EPHA6: variants seen among roughly 807,000 people sequenced by gnomAD.
EPHA6 encodes EPH receptor A6.
Under a neutral mutation model 112.0 loss-of-function variants are expected in EPHA6, and 50 were observed. The observed-to-expected ratio is 0.45, with a 90% CI of 0.36 to 0.56. EPHA6 has a LOEUF of 0.56. EPHA6 is among the 20% of genes least tolerant of loss of function. EPHA6 has a pLI of 0.00. For missense variants in EPHA6, 1,280 were observed against 1,417.4 expected (o/e 0.90, Z 1.56); for synonymous variants, 529 against 490.7 (o/e 1.08, Z -1.03).
At chr3:97,138,507 AC>A (rs1462420086) in intron 3 of EPHA6, among the ~76,000 whole-genome samples, 3 of 151,974 alleles carry the variant, frequency 2.0e-5, no homozygotes, top group African/African-American at 7.2e-5. Context: ...GCAGTGGGGG[AC>A]CCACAGCATA....
intron 10 of EPHA6, among the ~76,000 whole-genome samples, chr3:97,531,732 A>C (rs1012870843): frequency 2.6e-5 from 4 of 152,234 alleles, no homozygotes; most frequent in Admixed American, 2.6e-4. Flanking sequence ...AATGCTTGCT[A>C]AATATTTGGT....
intron 14 of EPHA6, among the ~76,000 whole-genome samples, chr3:97,694,590 T>A (rs770218807): frequency 1.3e-4 from 20 of 152,146 alleles, no homozygotes; most frequent in Non-Finnish European, 2.8e-4. Context: ...GGGCAAAATT[T>A]CAGGAAAAAA....
chr3:96,909,595 A>G (rs1363202686), intron 2 of EPHA6, among the ~76,000 whole-genome samples: 1 of 151,970 alleles, frequency 6.6e-6, no homozygotes, highest in Non-Finnish European at 1.5e-5. Flanking sequence ...TTCCAAAAGG[A>G]TATGGCTCAA....
chr3:97,305,724 G>C (rs1039085895), intron 5 of EPHA6, among the ~76,000 whole-genome samples: 1 of 151,836 alleles, frequency 6.6e-6, no homozygotes, highest in African/African-American at 2.4e-5. Flanking sequence ...CAGTGGGGAT[G>C]GGGGGAGCGA....
At chr3:97,010,684 A>T (rs546644642) in intron 3 of EPHA6, among the ~76,000 whole-genome samples, 1 of 152,112 alleles carries the variant, frequency 6.6e-6, no homozygotes, top group South Asian at 2.1e-4. Context: ...ATTTTGAGGC[A>T]GTGTCTCACT....
chr3:97,568,331 C>T (rs1178527803), intron 11 of EPHA6, among the ~76,000 whole-genome samples: 2 of 152,168 alleles, frequency 1.3e-5, no homozygotes, highest in African/African-American at 4.8e-5. Context: ...ATCCTATGCA[C>T]TGCCGTAGGA....
intron 3 of EPHA6, chr3:97,010,134 ATTTGT>A (rs1473833175): frequency 8.1e-7 from 1 of 1,233,074 alleles, no homozygotes; most frequent in African/African-American, 1.6e-5. Context: ...TACAGCCAAA[ATTTGT>A]TTTGTTTTTA....
At chr3:97,294,791 A>G (rs1043513368) in intron 5 of EPHA6, among the ~76,000 whole-genome samples, 1 of 152,182 alleles carries the variant, frequency 6.6e-6, no homozygotes, top group Non-Finnish European at 1.5e-5. Context: ...TTGGTCTAGT[A>G]GTAGTGAATT....
intron 5 of EPHA6, among the ~76,000 whole-genome samples, chr3:97,308,817 A>G (rs2081429886): frequency 6.6e-6 from 1 of 151,754 alleles, no homozygotes; most frequent in Non-Finnish European, 1.5e-5. Flanking sequence ...AGTATGGCAC[A>G]TCATGTGCAC....
At chr3:97,109,323 T>G (rs1576503327) in intron 3 of EPHA6, among the ~76,000 whole-genome samples, 2 of 152,168 alleles carry the variant, frequency 1.3e-5, no homozygotes, top group African/African-American at 2.4e-5. Flanking sequence ...GGGTGAAGAC[T>G]GTTTAGGCTT....
At chr3:96,930,689 C>T (rs997103401) in intron 2 of EPHA6, among the ~76,000 whole-genome samples, 2 of 152,004 alleles carry the variant, frequency 1.3e-5, no homozygotes, top group Non-Finnish European at 2.9e-5. Flanking sequence ...GGGTCAGTAA[C>T]CTGCTTAAAA....
At chr3:97,425,660 C>T (rs1166797320) in intron 6 of EPHA6, among the ~76,000 whole-genome samples, 1 of 152,212 alleles carries the variant, frequency 6.6e-6, no homozygotes, top group Non-Finnish European at 1.5e-5. Flanking sequence ...TGGTGATTAA[C>T]ATTGGGCTGT....
chr3:97,328,143 CA>C (rs1450126070), intron 5 of EPHA6, among the ~76,000 whole-genome samples: 5 of 145,906 alleles, frequency 3.4e-5, no homozygotes, highest in South Asian at 4.3e-4. Context: ...AGTTATTAAA[CA>C]AAAAAACAGC....
intron 6 of EPHA6, among the ~76,000 whole-genome samples, chr3:97,440,199 A>T (rs866840039): frequency 7.2e-5 from 11 of 152,162 alleles, no homozygotes; most frequent in African/African-American, 2.4e-4. Flanking sequence ...AATTTATTTA[A>T]GATGTCTAAT....
At chr3:97,014,870 G>A (rs1288188171) in intron 3 of EPHA6, among the ~76,000 whole-genome samples, 1 of 152,092 alleles carries the variant, frequency 6.6e-6, no homozygotes, top group African/African-American at 2.4e-5. Context: ...GTAGTGGTAT[G>A]TTATGAAAAA....
chr3:97,389,717 C>CAAA (rs1055928870), intron 5 of EPHA6, among the ~76,000 whole-genome samples: 27 of 152,068 alleles, frequency 1.8e-4, no homozygotes, highest in African/African-American at 5.8e-4. Flanking sequence ...GAAAATGTGG[C>CAAA]AAAGATTTTC....
intron 14 of EPHA6, among the ~76,000 whole-genome samples, chr3:97,679,367 G>A (rs569251578): frequency 1.3e-5 from 2 of 152,264 alleles, no homozygotes; most frequent in Admixed American, 6.5e-5. Flanking sequence ...AAAATTATGA[G>A]TAGCATTTGA....
At chr3:97,706,790 T>G (rs1385595546) in intron 14 of EPHA6, among the ~76,000 whole-genome samples, 2 of 119,542 alleles carry the variant, frequency 1.7e-5, no homozygotes, top group African/African-American at 5.5e-5. Flanking sequence ...TGTTTTGTTG[T>G]TTTTTTTTTT....
intron 3 of EPHA6, among the ~76,000 whole-genome samples, chr3:97,058,787 G>A (rs568417936): frequency 2.0e-4 from 30 of 152,266 alleles, no homozygotes; most frequent in Admixed American, 1.8e-3. Context: ...GATTTAAAGG[G>A]TGTTCTAATA....
Sources: gnomAD v4.1 joint callset for allele counts (sites outside exome capture counted in the v4.1 genomes callset) on GRCh38, gnomAD v4.1.1 for gene constraint, MANE v1.5 for transcripts, NCBI Gene and HGNC (gene_info 2026-07-23, HGNC 2026-07-21) for gene names.